Variants in WDR75 observed in about 807,000 individuals in gnomAD.
WDR75 encodes WD repeat-containing protein 75.
Under a neutral mutation model 106.1 loss-of-function variants are expected in WDR75, and 52 were observed. The observed-to-expected ratio is 0.49, with a 90% CI of 0.39 to 0.62. WDR75 has a LOEUF of 0.62. WDR75 is among the 20% of genes least tolerant of loss of function. The probability of loss-of-function intolerance (pLI) is 0.00; values close to 1 mark genes in which losing one functional copy is unlikely to be tolerated. For missense variants in WDR75, 905 were observed against 970.3 expected, an observed-to-expected ratio of 0.93 and a Z score of 0.89; for synonymous variants, 333 against 335.5, an observed-to-expected ratio of 0.99 and a Z score of 0.08.
At chr2:189,443,105 C>A (rs1262352628) in intron 1 of WDR75, among the ~76,000 whole-genome samples, 5 of 152,132 alleles carry the variant, frequency 3.3e-5, no homozygotes, top group Admixed American at 2.0e-4. Context: ...TAATATTGAT[C>A]CTGCCTTCGA....
intron 8 of WDR75, 79 bp from the exon 9 acceptor site, chr2:189,462,405 A>G (rs746035537): frequency 2.6e-6 from 4 of 1,528,558 alleles, no homozygotes; most frequent in Non-Finnish European, 3.6e-6. Flanking sequence ...GGTAGCAAAA[A>G]CAAAAGTGTT....
At chr2:189,451,949 C>T (rs1686631787) in intron 4 of WDR75, 54 bp downstream of exon 4, 4 of 1,404,658 alleles carry the variant, frequency 2.8e-6, no homozygotes, top group South Asian at 2.5e-5. Flanking sequence ...TTACATTTTA[C>T]AGTTCCTCAA....
At chr2:189,457,182 A>C (rs528658782) in intron 5 of WDR75, 129 bp from the exon 6 acceptor site, 1 of 612,642 alleles carries the variant, frequency 1.6e-6, no homozygotes, top group East Asian at 3.2e-5. Flanking sequence ...CAGAGTTTGC[A>C]GTGAGCCGAG....
rs754257478 is a variant in WDR75, at chr2:189,469,434, C to T, written c.1814C>T (p.Ser605Leu). Residue 605 changes from serine to leucine, a missense_variant, in exon 16 of 21, where the codon TCA (serine) becomes TTA (leucine). Transcript: ENST00000314761. Reference protein sequence around the residue: ...IAAISQSSVGSDLFVFKPSEP... With the variant: ...IAAISQSSVGLDLFVFKPSEP... ...GCAATCTCTCAGTCTTCAGTGGGTT[C>T]AGACTGTAAGTACAAACCACACTTT... is the stretch of plus-strand genomic sequence containing the variant. 3 of 1,609,338 alleles carry T rather than the reference C, an allele frequency of 1.9e-6. No individual in the cohort carries two copies. The Admixed American group carries it at 5.0e-5, about 27-fold the overall frequency.
chr2:189,474,640 C>A, intron 19 of WDR75, 77 bp from the exon 20 acceptor site: 1 of 1,271,738 alleles, frequency 7.9e-7, no homozygotes, highest in Non-Finnish European at 1.1e-6. Flanking sequence ...AAAGGGACTC[C>A]GTGAGGACAC....
At chr2:189,459,766 C>T (rs1483828334) in intron 8 of WDR75, among the ~76,000 whole-genome samples, 1 of 152,190 alleles carries the variant, frequency 6.6e-6, no homozygotes, top group African/African-American at 2.4e-5. Flanking sequence ...TCTAACACTA[C>T]ATCCATTATC....
At chr2:189,468,710 C>T (rs1416799815) in intron 15 of WDR75, 141 bp downstream of exon 15, 1 of 706,124 alleles carries the variant, frequency 1.4e-6, no homozygotes, top group Non-Finnish European at 2.3e-6. Flanking sequence ...ATGATGCCAC[C>T]AAAATTTGGA....
chr2:189,457,673 C>T (rs6724634), intron 6 of WDR75, among the ~76,000 whole-genome samples: 5,398 of 152,260 alleles, frequency 0.035, 113 homozygotes, highest in Admixed American at 0.05. Flanking sequence ...CCACATGATT[C>T]TCATTGTCAT....
chr2:189,464,973 A>G, intron 11 of WDR75, 106 bp from the exon 12 acceptor site: 1 of 866,680 alleles, frequency 1.2e-6, no homozygotes, highest in Non-Finnish European at 1.7e-6. Flanking sequence ...ACTATACAGT[A>G]CAGAAGTTGT....
intron 9 of WDR75, among the ~76,000 whole-genome samples, 161 bp downstream of exon 9, chr2:189,462,803 A>AC (rs1553486156): frequency 6.6e-6 from 1 of 151,950 alleles, no homozygotes; most frequent in Non-Finnish European, 1.5e-5. Flanking sequence ...ACCCCTCTCT[A>AC]CCCCTAGGCA....
At chr2:189,461,915 G>A (rs1686896307) in intron 8 of WDR75, among the ~76,000 whole-genome samples, 1 of 152,178 alleles carries the variant, frequency 6.6e-6, no homozygotes, top group Non-Finnish European at 1.5e-5. Context: ...GAGTTTCTGA[G>A]AGGTATTATC....
At position 189,455,314 on chromosome 2, in the gene WDR75, G is replaced by A. The variant is rs1487865707; in HGVS notation, c.374-6G>A. 4 of 1,611,764 alleles carry A rather than the reference G, an allele frequency of 2.5e-6. No individual in the cohort carries two copies. The South Asian group carries it at 3.3e-5, about 13-fold the overall frequency. ...GCTTTATATTAATATAGCTTTCTTT[G>A]GCTAGATATATTTCAGCTGGTTTCA... is the stretch of plus-strand genomic sequence containing the variant. On this transcript the variant is annotated splice_region_variant and splice_polypyrimidine_tract_variant and intron_variant, in intron 4 of 20. Coordinates refer to ENST00000314761, the MANE Select transcript of WDR75 (RefSeq NM_032168.3).
chr2:189,455,362 G>A lies in WDR75; in HGVS notation c.416G>A (p.Ser139Asn), dbSNP rs1391055512. 2 of 1,614,052 alleles carry A rather than the reference G, an allele frequency of 1.2e-6. No homozygotes were observed. Among genetic ancestry groups the A allele is most frequent in the Non-Finnish European group, 1.7e-6 (2 of 1,179,982 alleles). ...LVSVKLPKSS[S>N]QEVEAKELSF... is the part of the protein sequence containing the mutation. ...TCAGTGAAACTGCCAAAATCCTCAA[G>A]CCAGGAAGTAGAAGCCAAGGAGCTG... The change falls in exon 5 of 21, where the codon AGC (serine) becomes AAC (asparagine). Residue 139 changes from serine (S) to asparagine (N), a missense_variant. Physicochemically the swap from Ser to Asn is conservative, Grantham distance 46. Coordinates refer to ENST00000314761, the MANE Select transcript of WDR75 (RefSeq NM_032168.3).
chr2:189,464,190 T>G (rs1369924521), intron 11 of WDR75: 1 of 500,708 alleles, frequency 2.0e-6, no homozygotes, highest in African/African-American at 2.0e-5. Context: ...TGTCTCTGTC[T>G]TTTGTTTCAG....
intron 15 of WDR75, among the ~76,000 whole-genome samples, chr2:189,468,836 A>G (rs1687057508): frequency 6.6e-6 from 1 of 152,084 alleles, no homozygotes; most frequent in South Asian, 2.1e-4. Context: ...GATGCCCTCC[A>G]TATTCCCCAT....
chr2:189,463,979 A>G lies in WDR75; in HGVS notation c.1113+18A>G. The G allele has an allele frequency of 6.2e-7, 1 of 1,602,994 alleles. No homozygotes were observed. Among genetic ancestry groups the G allele is most frequent in the Non-Finnish European group, 8.5e-7 (1 of 1,171,768 alleles). On this transcript the variant is annotated intron_variant, in intron 11 of 20. Coordinates refer to ENST00000314761, the MANE Select transcript of WDR75 (RefSeq NM_032168.3). ...TATACAATGTAAGATTTTGATCATT[A>G]GCCTTGAAATTAATGAAAGCTCTTT...
At chr2:189,442,938 A>G (rs1167578003) in intron 1 of WDR75, among the ~76,000 whole-genome samples, 2 of 152,192 alleles carry the variant, frequency 1.3e-5, no homozygotes, top group African/African-American at 4.8e-5. Flanking sequence ...GACGCTTCGG[A>G]CTCATATCCA....
At chr2:189,465,399 T>A in intron 12 of WDR75, 145 bp downstream of exon 12, 2 of 814,686 alleles carry the variant, frequency 2.5e-6, no homozygotes, top group South Asian at 2.8e-5. Context: ...ATAAAACCTT[T>A]AAGCTTTCTG....
intron 5 of WDR75, 147 bp downstream of exon 5, chr2:189,455,591 A>C: frequency 9.5e-7 from 1 of 1,053,522 alleles, no homozygotes; most frequent in East Asian, 2.6e-5. Context: ...TCATTGCTTT[A>C]GCATGTATTT....
Sources: allele counts gnomAD v4.1 joint callset (sites outside exome capture counted in the v4.1 genomes callset), GRCh38; gene constraint gnomAD v4.1.1; transcripts MANE v1.5; gene names NCBI Gene and HGNC (gene_info 2026-07-23, HGNC 2026-07-21).